The following CROCC variants were observed in gnomAD, a reference collection of about 807,000 sequenced individuals.
CROCC encodes ciliary rootlet coiled-coil, rootletin, also known as rootletin.
In CROCC, 180 loss-of-function variants were observed where a neutral mutation model predicts 245.2. That is an observed-to-expected ratio of 0.73 (90% CI 0.65 to 0.83). The LOEUF is 0.83. CROCC is among the 40% of genes least tolerant of loss of function. The pLI is 0.00. For missense variants in CROCC, 2,688 were observed against 2,779.4 expected, an observed-to-expected ratio of 0.97 and a Z score of 0.74; for synonymous variants, 1,205 against 1,241.6, an observed-to-expected ratio of 0.97 and a Z score of 0.62.
chr1:16,970,020 T>A (rs2076488562), intron 33 of CROCC, 86 bp downstream of exon 33: 1 of 1,473,680 alleles, frequency 6.8e-7, no homozygotes, highest in Non-Finnish European at 9.1e-7. Flanking sequence ...CTCAACCTCA[T>A]CCCAAACCCT....
intron 30 of CROCC, 76 bp from the exon 31 acceptor site, chr1:16,968,127 T>C: frequency 6.9e-7 from 1 of 1,450,546 alleles, no homozygotes; most frequent in South Asian, 1.2e-5. Context: ...ACTTTCCCCC[T>C]AAGGGCCCCA....
At chr1:16,945,813 CTT>C (rs1362446865) in intron 15 of CROCC, among the ~76,000 whole-genome samples, 1 of 152,288 alleles carries the variant, frequency 6.6e-6, no homozygotes, top group Non-Finnish European at 1.5e-5. Context: ...ACTGACCTCT[CTT>C]TATGGCCGTA....
Position 16,966,294 on chromosome 1 carries a change from G to A in CROCC, c.4697-114G>A. 7.0e-7 allele frequency: 1 copy of A among 1,427,892 alleles called. No homozygotes were observed. The highest frequency in any genetic ancestry group is 9.3e-7 in the Non-Finnish European group (1 of 1,080,400). The allele number at this position is 1,427,892 out of a possible 1,614,324, so 88.5% of individuals were successfully genotyped here. A position where few individuals can be genotyped will look rare whatever the true frequency, so the allele number is the denominator to read the frequency against. On this transcript the variant is annotated intron_variant, in intron 29 of 36. Transcript: ENST00000375541. The surrounding 1 kb of genome is among the most constrained non-coding windows in gnomAD (Gnocchi z 4.8). Reference sequence around the variant, plus strand: ...GTGTGCAGGCCCGCATACTACGAAGGGTGCAGACAGTCTGGCCCTGCACTG... The same window carrying A: ...GTGTGCAGGCCCGCATACTACGAAGAGTGCAGACAGTCTGGCCCTGCACTG...
Position 16,929,886 on chromosome 1 carries a change from C to T in CROCC, c.392C>T (p.Thr131Met), listed in dbSNP as rs775591348. ...ALRLEPGELE[T>M]QEPRGLVRQS... Reference sequence around the variant, plus strand: ...CGGCTGGAGCCTGGGGAGCTGGAGACGCAGGAGCCCAGGGGGCTGGTACGG... The same window carrying T: ...CGGCTGGAGCCTGGGGAGCTGGAGATGCAGGAGCCCAGGGGGCTGGTACGG... Residue 131 changes from threonine (T) to methionine (M), a missense_variant, in exon 4 of 37, where the codon ACG (threonine) becomes ATG (methionine). Physicochemically the swap from Thr to Met is moderately conservative, Grantham distance 81. Transcript: ENST00000375541. The T allele has an allele frequency of 7.4e-5, 117 of 1,584,196 alleles. No individual in the cohort carries two copies. In the Middle Eastern group the frequency reaches 1.8e-3, roughly 25 times the overall value.
chr1:16,931,942 A>G (rs1330403569), intron 8 of CROCC, among the ~76,000 whole-genome samples: 2 of 142,908 alleles, frequency 1.4e-5, no homozygotes, highest in South Asian at 2.2e-4. Flanking sequence ...TTTTTTTTGT[A>G]TTTTAGTAGA....
In CROCC at chr1:16,929,885, A is replaced by C; in HGVS notation, c.391A>C (p.Thr131Pro). The C allele has an allele frequency of 6.3e-7, 1 of 1,583,876 alleles. No individual in the cohort carries two copies. Among genetic ancestry groups the C allele is most frequent in the Non-Finnish European group, 8.6e-7 (1 of 1,168,644 alleles). The stretch of plus-strand genomic sequence containing the variant: ...GCGGCTGGAGCCTGGGGAGCTGGAG[A>C]CGCAGGAGCCCAGGGGGCTGGTACG... ...ALRLEPGELE[T>P]QEPRGLVRQS... Residue 131 changes from threonine (T) to proline (P), a missense_variant, in exon 4 of 37, where the codon ACG (threonine) becomes CCG (proline). Coordinates refer to ENST00000375541, the MANE Select transcript of CROCC (RefSeq NM_014675.5).
chr1:16,914,640 A>G (rs1306992760), intron 1 of CROCC, among the ~76,000 whole-genome samples: 1 of 152,290 alleles, frequency 6.6e-6, no homozygotes, highest in African/African-American at 2.4e-5. Context: ...CCACGGAGGC[A>G]GGGCCGCCGG....
intron 8 of CROCC, among the ~76,000 whole-genome samples, chr1:16,936,358 C>T (rs1188089256): frequency 3.3e-5 from 5 of 152,268 alleles, no homozygotes; most frequent in African/African-American, 1.2e-4. Flanking sequence ...GTCTCCACTT[C>T]CTGGGTTCAA....
At chr1:16,928,124 T>C (rs1570594834) in intron 3 of CROCC, among the ~76,000 whole-genome samples, 1 of 152,284 alleles carries the variant, frequency 6.6e-6, no homozygotes, top group Non-Finnish European at 1.5e-5. Context: ...GTGGCTGGCG[T>C]GGCCCTGCAC....
At position 16,954,325 on chromosome 1, in the gene CROCC, C is replaced by T. The variant is rs1434277358; in HGVS notation, c.3289C>T (p.Arg1097Ter). ...CTCCCTGGAGATGGAGCGGCAGAAA[C>T]GAGATGCCCAGAGCCGGCAGGAGCA... ...TISLEMERQK[R>*]DAQSRQEQDR... Residue 1097 changes from arginine (R) to a stop codon, truncating the protein, a stop_gained, in exon 22 of 37, where the codon CGA becomes TGA. Coordinates refer to ENST00000375541, the MANE Select transcript of CROCC (RefSeq NM_014675.5). LOFTEE classifies it high-confidence loss of function. The surrounding 1 kb of genome is among the most constrained non-coding windows in gnomAD (Gnocchi z 4.4). The T allele has an allele frequency of 3.1e-6, 5 of 1,611,922 alleles. No individual in the cohort carries two copies. Among genetic ancestry groups the T allele is most frequent in the East Asian group, 2.2e-5 (1 of 44,896 alleles).
chr1:16,916,514 T>G (rs1357035174), intron 1 of CROCC, among the ~76,000 whole-genome samples: 1 of 152,248 alleles, frequency 6.6e-6, no homozygotes, highest in Admixed American at 6.5e-5. Context: ...TGTTACTGTT[T>G]TTGTTTATTT....
At chr1:16,958,458 C>T in intron 25 of CROCC, 125 bp from the exon 26 acceptor site, 2 of 1,185,472 alleles carry the variant, frequency 1.7e-6, no homozygotes, top group African/African-American at 3.1e-5. Flanking sequence ...GGCCGGCTCC[C>T]AGTGGATGTG....
Position 16,924,395 on chromosome 1 carries a change from G to T in CROCC, c.267G>T (p.Glu89Asp). The change falls in exon 3 of 37, where the codon GAG (glutamate) becomes GAT (aspartate). Residue 89 changes from glutamate (E) to aspartate (D), a missense_variant. Glu to Asp is a conservative substitution (Grantham distance 45). This residue lies in a region of CROCC where 972 missense variants were observed against 895.3 expected (regional missense o/e 1.09). Transcript: ENST00000375541. ...AGGAGAACCAGCTGCTGCAGCAGGAGCTGTCCCGCGTGGAGGACCTGCTGG... is the reference window on the plus strand; with the variant it reads ...AGGAGAACCAGCTGCTGCAGCAGGATCTGTCCCGCGTGGAGGACCTGCTGG... Reference protein sequence around the residue: ...LQEENQLLQQELSRVEDLLAQ... With the variant: ...LQEENQLLQQDLSRVEDLLAQ... 6.2e-7 allele frequency: 1 copy of T among 1,613,260 alleles called. No individual in the cohort carries two copies. The highest frequency in any genetic ancestry group is 8.5e-7 in the Non-Finnish European group (1 of 1,179,880).
rs908816289 is a variant in CROCC at position 16,962,254 on chromosome 1, G to A, written c.4405+1124G>A. On this transcript the variant is annotated intron_variant, in intron 27 of 36. Transcript: ENST00000375541. The stretch of plus-strand genomic sequence containing the variant: ...TAATTTTTGTATTTTTAGTAGAGAC[G>A]GGGTTTCAAGGCTGGGCGCGGTGGC... 9.2e-5 allele frequency among the ~76,000 whole-genome samples: 14 copies of A among 151,378 alleles called. 1 individual carries two copies.
chr1:16,931,916 C>G (rs1183056086), intron 8 of CROCC, among the ~76,000 whole-genome samples: 1 of 151,350 alleles, frequency 6.6e-6, no homozygotes, highest in African/African-American at 2.4e-5. Context: ...GCCGCCACAC[C>G]CAGCTAATTT....
At chr1:16,926,090 A>G (rs2100336626) in intron 3 of CROCC, among the ~76,000 whole-genome samples, 1 of 152,388 alleles carries the variant, frequency 6.6e-6, no homozygotes, top group South Asian at 2.1e-4. Context: ...ACTGCAGCAC[A>G]GGGGGTCTGG....
chr1:16,958,878 ACT>A, intron 26 of CROCC, 128 bp downstream of exon 26: 1 of 1,069,250 alleles, frequency 9.4e-7, no homozygotes, highest in Non-Finnish European at 1.3e-6. Flanking sequence ...ACTCCTTGAG[ACT>A]CTTCCCCAGT....
At chr1:16,918,746 T>G (rs6684764), upstream of CROCC, among the ~76,000 whole-genome samples, 1 of 150,882 alleles carries the variant, frequency 6.6e-6, no homozygotes, top group Non-Finnish European at 1.5e-5. Flanking sequence ...TTGTTTTTGT[T>G]TTTTTTTTGA....
chr1:16,935,101 T>C (rs1446512062), intron 8 of CROCC, among the ~76,000 whole-genome samples: 5 of 152,212 alleles, frequency 3.3e-5, no homozygotes, highest in Non-Finnish European at 5.9e-5. Context: ...GGTTTTGCCA[T>C]GTTGGCCAGG....
Sources: gnomAD v4.1 joint callset for allele counts (sites outside exome capture counted in the v4.1 genomes callset) on GRCh38, gnomAD v4.1.1 for gene constraint, gnomAD v4.1.1 regional missense constraint, Gnocchi (gnomAD v3.1) non-coding constraint, MANE v1.5 for transcripts, NCBI Gene and HGNC (gene_info 2026-07-23, HGNC 2026-07-21) for gene names.